Variants in RNF166 observed in about 807,000 individuals in gnomAD.
RNF166 encodes the protein E3 ubiquitin-protein ligase RNF166.
In RNF166, 19 loss-of-function variants were observed where a neutral mutation model predicts 29.4. The observed-to-expected ratio is 0.65, with a 90% CI of 0.45 to 0.95. The LOEUF (loss-of-function observed/expected upper bound fraction) is 0.95. Among genes scored for constraint, RNF166 ranks in the 40% least tolerant of loss-of-function variants. The pLI is 0.00. For synonymous variants in RNF166, 171 were observed against 134.5 expected, an observed-to-expected ratio of 1.27 and a Z score of -1.88; for missense variants, 347 against 322.1, an observed-to-expected ratio of 1.08 and a Z score of -0.59.
chr16:88,703,127 C>G, intron 1 of RNF166: 1 of 985,532 alleles, frequency 1.0e-6, no homozygotes, highest in Non-Finnish European at 1.2e-6. Flanking sequence ...TCGTGGGGGT[C>G]CACTCACGCT....
At position 88,702,898 on chromosome 16, in the gene RNF166, T is replaced by C. The variant is rs1289644880; in HGVS notation, c.156-1480A>G. 6 of 985,490 alleles carry C rather than the reference T, an allele frequency of 6.1e-6. No homozygotes were observed. In the East Asian group the frequency reaches 5.7e-4, roughly 93 times the overall value. 61.0% of individuals were successfully genotyped at this position (985,490 alleles called of 1,614,324 possible). Reference sequence around the variant, plus strand: ...TCACGGGAGGAAGGTGCTGGCAAGATGGTCCACCTGGGGAGGCCTCAGGGG... The same window carrying C: ...TCACGGGAGGAAGGTGCTGGCAAGACGGTCCACCTGGGGAGGCCTCAGGGG... On this transcript the variant is annotated intron_variant, in intron 1 of 5. Transcript: ENST00000312838.
chr16:88,700,894 C>T (rs895540125), intron 2 of RNF166: 4 of 1,131,200 alleles, frequency 3.5e-6, no homozygotes, highest in African/African-American at 3.3e-5. Flanking sequence ...GCCCTTGTGA[C>T]CTTGGAGCCC....
chr16:88,706,327 C>T lies in RNF166; in HGVS notation c.-2G>A, dbSNP rs908901305. 1.6e-6 allele frequency: 2 copies of T among 1,221,890 alleles called. No individual in the cohort carries two copies. Among genetic ancestry groups the T allele is most frequent in the South Asian group, 3.3e-5 (1 of 30,108 alleles). The allele number at this position is 1,221,890 out of a possible 1,614,324, so 75.7% of individuals were successfully genotyped here. ...CACCAGGCTGCGGAACATAGCCATC[C>T]CGGGGCCAGGCCCGCGCCGCCCGCC... On this transcript the variant is annotated 5_prime_UTR_variant, in exon 1 of 6. Coordinates refer to ENST00000312838, the MANE Select transcript of RNF166 (RefSeq NM_178841.4).
intron 1 of RNF166, chr16:88,704,095 T>G: frequency 7.1e-6 from 7 of 984,408 alleles, no homozygotes; most frequent in Non-Finnish European, 8.4e-6. Flanking sequence ...ACTGGGATAC[T>G]CTTGCCATGA....
intron 2 of RNF166, 66 bp downstream of exon 2, chr16:88,701,196 G>C: frequency 6.3e-7 from 1 of 1,590,422 alleles, no homozygotes; most frequent in Non-Finnish European, 8.6e-7. Context: ...ACCCTCTGCA[G>C]AACCCGTGGG....
chr16:88,697,702 AC>A, intron 5 of RNF166, 69 bp from the exon 6 acceptor site: 1 of 1,188,994 alleles, frequency 8.4e-7, no homozygotes, highest in Non-Finnish European at 1.2e-6. Flanking sequence ...TCTGCCCATC[AC>A]CCACACAGGC....
chr16:88,701,490 C>T, intron 1 of RNF166, 72 bp from the exon 2 acceptor site: 3 of 1,401,524 alleles, frequency 2.1e-6, no homozygotes, highest in Non-Finnish European at 2.8e-6. Flanking sequence ...GCTCGGGGCC[C>T]TTCTTAGGAC....
rs925960942 is a variant in RNF166, at chr16:88,704,300, G to A, written c.155+1871C>T. 4.1e-6 allele frequency: 4 copies of A among 985,458 alleles called. No individual in the cohort carries two copies. In the Admixed American group the frequency reaches 1.8e-4, roughly 45 times the overall value. 61.0% of individuals were successfully genotyped at this position (985,458 alleles called of 1,614,324 possible). ...GAGAACAGCCAGAAAACAAAAGCCA[G>A]CAGGAAAAGTCGGGGAGAAAAATCT... On this transcript the variant is annotated intron_variant, in intron 1 of 5. Transcript: ENST00000312838.
chr16:88,698,684 C>G, intron 4 of RNF166, 75 bp from the exon 5 acceptor site: 1 of 1,130,438 alleles, frequency 8.8e-7, no homozygotes, highest in Non-Finnish European at 1.2e-6. Context: ...TGGGGGCCCT[C>G]CACTGAGCCC....
chr16:88,702,796 C>T (rs1198001300), intron 1 of RNF166: 6 of 985,358 alleles, frequency 6.1e-6, no homozygotes, highest in African/African-American at 5.2e-5. Flanking sequence ...TCACCAGGCG[C>T]CCCAGCAGAT....
intron 1 of RNF166, chr16:88,702,686 TGA>T: frequency 1.0e-6 from 1 of 985,088 alleles, no homozygotes; most frequent in Non-Finnish European, 1.2e-6. Context: ...AAACTTCGTG[TGA>T]GAGAAAGCGG....
chr16:88,699,782 C>T lies in RNF166; in HGVS notation c.313-50G>A, dbSNP rs574236656. On this transcript the variant is annotated intron_variant, in intron 2 of 5. Coordinates refer to ENST00000312838, the MANE Select transcript of RNF166 (RefSeq NM_178841.4). ...AGGCGGTCCTGAGAATCTGGAAGGG[C>T]CGTCCTGGGGAGGCCGAGACCTCAG... 48 of 1,447,394 alleles carry T rather than the reference C, an allele frequency of 3.3e-5. No individual in the cohort carries two copies. In the South Asian group the frequency reaches 5.0e-4, roughly 15 times the overall value. The allele number at this position is 1,447,394 out of a possible 1,614,324, so 89.7% of individuals were successfully genotyped here. A position where few individuals can be genotyped will look rare whatever the true frequency, so the allele number is the denominator to read the frequency against.
rs529304817 is a variant in RNF166 at position 88,703,054 on chromosome 16, C to T, written c.156-1636G>A. The T allele has an allele frequency of 9.0e-5, 89 of 985,500 alleles. 1 individual carries two copies. Among genetic ancestry groups the T allele is most frequent in the South Asian group, 8.5e-4 (18 of 21,294 alleles). The allele number at this position is 985,500 out of a possible 1,614,324, so 61.0% of individuals were successfully genotyped here. On this transcript the variant is annotated intron_variant, in intron 1 of 5. Coordinates refer to ENST00000312838, the MANE Select transcript of RNF166 (RefSeq NM_178841.4). ...TTCGGCCGGGAAGAGGCGTGCAGCC[C>T]CACCACGCACCGGAAGGCCTGGAAA...
At chr16:88,698,210 G>C in intron 5 of RNF166, 1 of 617,252 alleles carries the variant, frequency 1.6e-6, no homozygotes, top group Non-Finnish European at 2.9e-6. Flanking sequence ...CCAGAAGGAA[G>C]CCTGGCTCAC....
chr16:88,700,658 G>A, intron 2 of RNF166: 1 of 986,820 alleles, frequency 1.0e-6, no homozygotes, highest in Non-Finnish European at 1.2e-6. Context: ...GAAAGAACGG[G>A]GCGCTGGCTG....
At chr16:88,703,799 C>A (rs574194086) in intron 1 of RNF166, 3 of 985,340 alleles carry the variant, frequency 3.0e-6, no homozygotes, top group Non-Finnish European at 3.6e-6. Flanking sequence ...CAATGTGTCT[C>A]CCACACTGGC....
At position 88,701,236 on chromosome 16, in the gene RNF166, C is replaced by G. The variant is rs1180452127; in HGVS notation, c.312+26G>C. On this transcript the variant is annotated intron_variant, in intron 2 of 5. Transcript: ENST00000312838. ...GGCTGCCCATCAAGTGACCCCGGCT[C>G]CAGGGCGGCCCAAGCAGGCGGGTAC... The G allele has an allele frequency of 2.5e-6, 4 of 1,612,882 alleles. No homozygotes were observed. The East Asian group carries it at 6.7e-5, about 27-fold the overall frequency.
At chr16:88,704,184 C>T (rs1478047627) in intron 1 of RNF166, 6 of 985,314 alleles carry the variant, frequency 6.1e-6, no homozygotes, top group African/African-American at 1.7e-5. Context: ...AACAAACTTC[C>T]GAAGGGAACC....
Position 88,701,450 on chromosome 16 carries a change from G to A in RNF166, c.156-32C>T, listed in dbSNP as rs763136494. ...GGCACAGGGGCCTGAGTGCCAGCCC[G>A]CCCCTCGGGTCTCCCGAACCGCAGG... On this transcript the variant is annotated intron_variant, in intron 1 of 5. Coordinates refer to ENST00000312838, the MANE Select transcript of RNF166 (RefSeq NM_178841.4). 9.1e-5 allele frequency: 139 copies of A among 1,525,520 alleles called. 1 individual carries two copies. The East Asian group carries it at 2.5e-3, about 28-fold the overall frequency. The allele number at this position is 1,525,520 out of a possible 1,614,324, so 94.5% of individuals were successfully genotyped here.
Sources: gnomAD v4.1 joint callset for allele counts on GRCh38, gnomAD v4.1.1 for gene constraint, MANE v1.5 for transcripts, NCBI Gene and HGNC (gene_info 2026-07-23, HGNC 2026-07-21) for gene names.